Variants in KIRREL3 observed in about 807,000 individuals in gnomAD.
KIRREL3 encodes kin of IRRE-like protein 3.
In KIRREL3, 36 loss-of-function variants were observed where a neutral mutation model predicts 89.7. The ratio of observed to expected loss-of-function variants is 0.40; its 90% CI spans 0.31 to 0.53. The LOEUF is 0.53. Ranked by LOEUF, KIRREL3 falls within the 20% of genes least tolerant of loss-of-function variation. The pLI is 0.49. For missense variants in KIRREL3, 864 were observed against 1,056.6 expected (o/e 0.82, Z 2.53); for synonymous variants, 445 against 441.4 (o/e 1.01, Z -0.10).
At chr11:126,504,928 GA>G (rs1295657908) in intron 4 of KIRREL3, among the ~76,000 whole-genome samples, 1 of 152,084 alleles carries the variant, frequency 6.6e-6, no homozygotes, top group Non-Finnish European at 1.5e-5. Context: ...AATAGATGCA[GA>G]AAAAAACATT....
chr11:126,823,318 T>C lies in KIRREL3; in HGVS notation c.55+177137A>G, dbSNP rs1464313992. On this transcript the variant is annotated intron_variant, in intron 1 of 16. Coordinates refer to ENST00000525144, the MANE Select transcript of KIRREL3 (RefSeq NM_032531.4). ...GCCTGGAGGACAAGTGGGGGTGCAA[T>C]TGAAAGTTGCTCATCTAACCTCCAG... 3.3e-5 allele frequency among the ~76,000 whole-genome samples: 5 copies of C among 152,276 alleles called. No homozygotes were observed. In the East Asian group the frequency reaches 7.7e-4, roughly 24 times the overall value.
intron 1 of KIRREL3, among the ~76,000 whole-genome samples, chr11:126,979,455 T>G (rs1227433511): frequency 6.6e-6 from 1 of 152,196 alleles, no homozygotes; most frequent in Non-Finnish European, 1.5e-5. Context: ...CATCCAGGAT[T>G]GATTTGCGGG....
In KIRREL3 at chr11:126,703,739, GT is replaced by G. The variant is rs1271617256; in HGVS notation, c.56-140828del. ...TCTGACTGCCTGGGCCAGTGTTTCC[GT>G]GCCAGAAACCCTGTCTCAGAGGGCA... On this transcript the variant is annotated intron_variant, in intron 1 of 16. Transcript: ENST00000525144. This position sits in a 1 kb window ranked among gnomAD's most constrained non-coding sequence, Gnocchi z 4.6. Among the ~76,000 whole-genome samples, 1 of 152,204 alleles carries G rather than the reference GT, an allele frequency of 6.6e-6. No homozygotes were observed. Among genetic ancestry groups the G allele is most frequent in the East Asian group, 1.9e-4 (1 of 5,192 alleles).
chr11:126,823,066 G>T (rs1943282736), intron 1 of KIRREL3, among the ~76,000 whole-genome samples: 1 of 152,154 alleles, frequency 6.6e-6, no homozygotes, highest in Non-Finnish European at 1.5e-5. Flanking sequence ...TCACTGGAGA[G>T]AACTCAGGGA....
Position 126,566,201 on chromosome 11 carries a change from C to T in KIRREL3, c.56-3289G>A, listed in dbSNP as rs1397244428. Among the ~76,000 whole-genome samples, 1 of 152,150 alleles carries T rather than the reference C, an allele frequency of 6.6e-6. No individual in the cohort carries two copies. On this transcript the variant is annotated intron_variant, in intron 1 of 16. Coordinates refer to ENST00000525144, the MANE Select transcript of KIRREL3 (RefSeq NM_032531.4). This position sits in a 1 kb window ranked among gnomAD's most constrained non-coding sequence, Gnocchi z 4.9. ...AAGGAAAGTTCATAGCAAGGAAGTC[C>T]AGGGTCACCTGCAGATGGGGCAGTG...
intron 1 of KIRREL3, among the ~76,000 whole-genome samples, chr11:126,745,359 A>G (rs1360057985): frequency 6.6e-6 from 1 of 152,106 alleles, no homozygotes; most frequent in Non-Finnish European, 1.5e-5. Flanking sequence ...TAAAAACAGC[A>G]TTTGGTTCAC....
chr11:126,610,802 C>T lies in KIRREL3; in HGVS notation c.56-47890G>A, dbSNP rs993465130. The T allele has an allele frequency of 1.3e-5, 2 of 152,160 alleles. No individual in the cohort carries two copies. The highest frequency in any genetic ancestry group is 4.8e-5 in the African/African-American group (2 of 41,420). 9.4% of individuals were successfully genotyped at this position (152,160 alleles called of 1,614,324 possible). On this transcript the variant is annotated intron_variant, in intron 1 of 16. Transcript: ENST00000525144. The surrounding 1 kb of genome is among the most constrained non-coding windows in gnomAD (Gnocchi z 4.6). ...GTTGAAGCTGCCTCAGTGGTCTCCC[C>T]AGATCATGCAGGTCGGGGCAGAAGC...
At chr11:126,442,219 C>A (rs1411696851) in intron 10 of KIRREL3, among the ~76,000 whole-genome samples, 2 of 144,552 alleles carry the variant, frequency 1.4e-5, no homozygotes, top group Admixed American at 1.5e-4. Context: ...CGAGATTGCG[C>A]CACTGCACTC....
chr11:126,534,359 G>A (rs983393104), intron 2 of KIRREL3, among the ~76,000 whole-genome samples: 2 of 152,340 alleles, frequency 1.3e-5, no homozygotes, highest in South Asian at 2.1e-4. Context: ...AAAAGGCTGC[G>A]TGTGCATGAA....
rs758134761 is a variant in KIRREL3 at position 126,425,049 on chromosome 11, G to A, written c.1894-26C>T. On this transcript the variant is annotated intron_variant, in intron 16 of 16. Coordinates refer to ENST00000525144, the MANE Select transcript of KIRREL3 (RefSeq NM_032531.4). Reference sequence around the variant, plus strand: ...CTGGATGGGCGAGAGGAAGAGGAGCGTCACCTGGTGGAGTCTCCACTGAGC... The same window carrying A: ...CTGGATGGGCGAGAGGAAGAGGAGCATCACCTGGTGGAGTCTCCACTGAGC... 2.1e-5 allele frequency: 31 copies of A among 1,485,616 alleles called. 1 individual carries two copies. The highest frequency in any genetic ancestry group is 1.8e-4 in the Middle Eastern group (1 of 5,584). 92.0% of individuals were successfully genotyped at this position (1,485,616 alleles called of 1,614,324 possible).
chr11:126,442,759 G>A lies in KIRREL3; in HGVS notation c.1253-2210C>T, dbSNP rs908948765. On this transcript the variant is annotated intron_variant, in intron 10 of 16. Coordinates refer to ENST00000525144, the MANE Select transcript of KIRREL3 (RefSeq NM_032531.4). ...GTTCGCCCCCTGGCAGGTCTGGTGC[G>A]CTCCCCTCCGGGGCCACTGAACTCA... Among the ~76,000 whole-genome samples, 13 of 152,354 alleles carry A rather than the reference G, an allele frequency of 8.5e-5. No homozygotes were observed. In the Middle Eastern group the frequency reaches 0.01, roughly 120 times the overall value.
At position 126,790,924 on chromosome 11, in the gene KIRREL3, T is replaced by C. The variant is rs546957189; in HGVS notation, c.55+209531A>G. 5.8e-4 allele frequency among the ~76,000 whole-genome samples: 88 copies of C among 152,304 alleles called. No individual in the cohort carries two copies. In the Middle Eastern group the frequency reaches 0.01, roughly 18 times the overall value. On this transcript the variant is annotated intron_variant, in intron 1 of 16. Transcript: ENST00000525144. ...AACCGTCATAAACAAGAACAATGCCTATTGTGCTCTGCTTAGAAATGGCCT... is the reference window on the plus strand; with the variant it reads ...AACCGTCATAAACAAGAACAATGCCCATTGTGCTCTGCTTAGAAATGGCCT...
intron 5 of KIRREL3, among the ~76,000 whole-genome samples, chr11:126,464,246 G>A (rs980234876): frequency 1.3e-5 from 2 of 149,542 alleles, no homozygotes; most frequent in Non-Finnish European, 3.0e-5. Context: ...GGAGGCTCAT[G>A]TCTGTAATCC....
At chr11:126,488,634 C>T (rs1957428369) in intron 4 of KIRREL3, among the ~76,000 whole-genome samples, 1 of 152,222 alleles carries the variant, frequency 6.6e-6, no homozygotes, top group African/African-American at 2.4e-5. Context: ...CCGCGGCTTC[C>T]AGTGACCTGG....
rs373687216 is a variant in KIRREL3 at position 126,501,998 on chromosome 11, C to G, written c.433+19317G>C. Reference sequence around the variant, plus strand: ...TTGCAAGCAGGCAAACAGGCATAAACTGACCAGGTCTTTGTAAGAGAAGCC... The same window carrying G: ...TTGCAAGCAGGCAAACAGGCATAAAGTGACCAGGTCTTTGTAAGAGAAGCC... On this transcript the variant is annotated intron_variant, in intron 4 of 16. Transcript: ENST00000525144. This position sits in a 1 kb window ranked among gnomAD's most constrained non-coding sequence, Gnocchi z 5.8. Among the ~76,000 whole-genome samples the G allele has an allele frequency of 4.6e-5, 7 of 152,324 alleles. No individual in the cohort carries two copies. The East Asian group carries it at 5.8e-4, about 13-fold the overall frequency.
intron 1 of KIRREL3, among the ~76,000 whole-genome samples, chr11:126,619,420 A>G (rs1943488410): frequency 6.6e-6 from 1 of 152,220 alleles, no homozygotes; most frequent in East Asian, 1.9e-4. Context: ...TTTTATCCTA[A>G]GTGTGGTGGG....
At chr11:126,947,769 C>T (rs751330488) in intron 1 of KIRREL3, among the ~76,000 whole-genome samples, 7 of 152,180 alleles carry the variant, frequency 4.6e-5, no homozygotes, top group Non-Finnish European at 7.3e-5. Flanking sequence ...GAAATGTTAA[C>T]GTCATAATGC....
chr11:126,834,959 G>A (rs1465032069), intron 1 of KIRREL3, among the ~76,000 whole-genome samples: 1 of 152,192 alleles, frequency 6.6e-6, no homozygotes, highest in Non-Finnish European at 1.5e-5. Context: ...ACAGATATAG[G>A]GGGAAACAAC....
At position 126,515,970 on chromosome 11, in the gene KIRREL3, T is replaced by C. The variant is rs1958396187; in HGVS notation, c.433+5345A>G. 6.6e-6 allele frequency among the ~76,000 whole-genome samples: 1 copy of C among 152,158 alleles called. No individual in the cohort carries two copies. The highest frequency in any genetic ancestry group is 2.1e-4 in the South Asian group (1 of 4,824). On this transcript the variant is annotated intron_variant, in intron 4 of 16. Coordinates refer to ENST00000525144, the MANE Select transcript of KIRREL3 (RefSeq NM_032531.4). The surrounding 1 kb of genome is among the most constrained non-coding windows in gnomAD (Gnocchi z 4.2). ...CTCTGAGTTATTCACCACTGTTCTC[T>C]GGACCCATCTCCCCAGAAGATTCAT...
Sources: allele counts gnomAD v4.1 joint callset (sites outside exome capture counted in the v4.1 genomes callset), GRCh38; gene constraint gnomAD v4.1.1; non-coding constraint Gnocchi (gnomAD v3.1); transcripts MANE v1.5; gene names NCBI Gene and HGNC (gene_info 2026-07-23, HGNC 2026-07-21).